The following KIF1B variants were observed in gnomAD, a reference collection of about 807,000 sequenced individuals.
KIF1B encodes kinesin family member 1B, also known as kinesin-like protein KIF1B.
In KIF1B, 76 loss-of-function variants were observed where a neutral mutation model predicts 241.9. The ratio of observed to expected loss-of-function variants is 0.31; its 90% confidence interval spans 0.26 to 0.38. The LOEUF is 0.38. Ranked by LOEUF, KIF1B falls within the 10% of genes least tolerant of loss-of-function variation. The pLI, the probability that KIF1B is intolerant of heterozygous loss-of-function variation, is 1.00. For synonymous variants in KIF1B, 750 were observed against 796.7 expected, an observed-to-expected ratio of 0.94 and a Z score of 0.99; for missense variants, 1,622 against 2,271.4, an observed-to-expected ratio of 0.71 and a Z score of 5.81.
intron 2 of KIF1B, among the ~76,000 whole-genome samples, chr1:10,254,991 C>T (rs1647694615): frequency 6.6e-6 from 1 of 151,816 alleles, no homozygotes; most frequent in Admixed American, 6.6e-5. Flanking sequence ...CTCTGTCACC[C>T]AGGCTGGAGT....
Position 10,348,011 on chromosome 1 carries a change from T to C in KIF1B, c.3864+184T>C, listed in dbSNP as rs186282291. The stretch of plus-strand genomic sequence containing the variant: ...AGATATTTCTTCCTCAGACCTTGGC[T>C]TATATTTATCCTTGCTTTTATATGT... On this transcript the variant is annotated intron_variant, in intron 36 of 48. Coordinates refer to ENST00000676179, the MANE Select transcript of KIF1B (RefSeq NM_001365951.3). Among the ~76,000 whole-genome samples, 389 of 152,298 alleles carry C rather than the reference T, an allele frequency of 2.6e-3. 2 individuals are homozygous for C. Among genetic ancestry groups the C allele is most frequent in the African/African-American group, 8.9e-3 (372 of 41,576 alleles).
chr1:10,292,202 C>T (rs1650035325), intron 17 of KIF1B, 80 bp downstream of exon 17: 1 of 1,006,858 alleles, frequency 9.9e-7, no homozygotes, highest in Non-Finnish European at 1.6e-6. Context: ...TCATGTCTTT[C>T]AGGACCTACT....
rs1366694744 is a variant in KIF1B at position 10,342,115 on chromosome 1, C to T, written c.3579C>T (p.Val1193=). The change falls in exon 33 of 49, where the codon GTC becomes GTT. Residue 1193 remains valine (V), a synonymous_variant. Coordinates refer to ENST00000676179, the MANE Select transcript of KIF1B (RefSeq NM_001365951.3). ...AAACCAAGCCTATTGTATTTGAAGT[C>T]TTTGGGCATTATCAGCAGCACCCAC... is the stretch of plus-strand genomic sequence containing the variant. The part of the protein sequence containing the change: ...YIKTKPIVFE[V]FGHYQQHPLH... 5 of 1,613,838 alleles carry T rather than the reference C, an allele frequency of 3.1e-6. No individual in the cohort carries two copies. The Admixed American group carries it at 6.7e-5, about 22-fold the overall frequency.
chr1:10,363,693 A>C (rs1224150235), intron 41 of KIF1B, among the ~76,000 whole-genome samples: 2 of 152,206 alleles, frequency 1.3e-5, no homozygotes, highest in Admixed American at 6.5e-5. Context: ...ACTCAGTCTC[A>C]AAAAAGAAAA....
chr1:10,365,332 T>A lies in KIF1B; in HGVS notation c.4513-77T>A. On this transcript the variant is annotated intron_variant, in intron 42 of 48. Transcript: ENST00000676179. This position sits in a 1 kb window ranked among gnomAD's most constrained non-coding sequence, Gnocchi z 4.0. Reference sequence around the variant, plus strand: ...TCTTCCTCCCCGCTGCTGCATGTGATCATAGCTTTTCACTTTTCTCTCCTG... The same window carrying A: ...TCTTCCTCCCCGCTGCTGCATGTGAACATAGCTTTTCACTTTTCTCTCCTG... 1 of 1,613,858 alleles carries A rather than the reference T, an allele frequency of 6.2e-7. No homozygotes were observed. The highest frequency in any genetic ancestry group is 8.5e-7 in the Non-Finnish European group (1 of 1,179,822).
At chr1:10,276,854 G>T in intron 12 of KIF1B, among the ~76,000 whole-genome samples, 1 of 152,192 alleles carries the variant, frequency 6.6e-6, no homozygotes, top group East Asian at 1.9e-4. Flanking sequence ...GCCGAGGTGG[G>T]CGGATCACTT....
chr1:10,328,956 A>G (rs1021418630), intron 27 of KIF1B, among the ~76,000 whole-genome samples: 2 of 152,252 alleles, frequency 1.3e-5, no homozygotes, highest in African/African-American at 4.8e-5. Context: ...ACTAAGAAGC[A>G]TTTGTATTTT....
chr1:10,227,068 G>A (rs1465930112), intron 1 of KIF1B, among the ~76,000 whole-genome samples: 2 of 121,942 alleles, frequency 1.6e-5, no homozygotes, highest in Non-Finnish European at 3.2e-5. Flanking sequence ...ATGAAGTCTC[G>A]CTCTCTTACC....
chr1:10,334,780 G>T (rs1217492209), intron 28 of KIF1B, 142 bp downstream of exon 28: 5 of 716,988 alleles, frequency 7.0e-6, no homozygotes, highest in South Asian at 1.5e-5. Flanking sequence ...ATACTTTGGA[G>T]AAAGCCTTTA....
At chr1:10,355,811 T>C (rs1638226130) in intron 38 of KIF1B, among the ~76,000 whole-genome samples, 1 of 152,246 alleles carries the variant, frequency 6.6e-6, no homozygotes, top group East Asian at 1.9e-4. Context: ...GTTCACTTTC[T>C]TCTCTGTTTT....
At position 10,297,170 on chromosome 1, in the gene KIF1B, C is replaced by A. The variant is rs771419523; in HGVS notation, c.2043-4C>A. The A allele has an allele frequency of 1.3e-6, 2 of 1,543,278 alleles. No homozygotes were observed. The highest frequency in any genetic ancestry group is 1.8e-6 in the Non-Finnish European group (2 of 1,135,938). ...TGAATTTTTTTTTTTTTTTTTACTT[C>A]TAGGCTACAGGAAATGGAGATCTTA... On this transcript the variant is annotated splice_region_variant and splice_polypyrimidine_tract_variant and intron_variant, in intron 21 of 48. Coordinates refer to ENST00000676179, the MANE Select transcript of KIF1B (RefSeq NM_001365951.3).
At position 10,210,951 on chromosome 1, in the gene KIF1B, G is replaced by A. The variant is rs1414780310; in HGVS notation, c.-80+73G>A. 6.6e-6 allele frequency: 1 copy of A among 151,754 alleles called. No homozygotes were observed. The highest frequency in any genetic ancestry group is 1.5e-5 in the Non-Finnish European group (1 of 67,914). The allele number at this position is 151,754 out of a possible 1,614,324, so 9.4% of individuals were successfully genotyped here. On this transcript the variant is annotated intron_variant, in intron 1 of 48. Coordinates refer to ENST00000676179, the MANE Select transcript of KIF1B (RefSeq NM_001365951.3). This position sits in a 1 kb window ranked among gnomAD's most constrained non-coding sequence, Gnocchi z 4.1. ...GGGAGGGGGCCGCTTCCGCGGGGAG[G>A]AGCGGCCGGGCCGGGGTCCGGGCGG... is the stretch of plus-strand genomic sequence containing the variant.
chr1:10,259,757 C>T (rs1457120697), intron 4 of KIF1B, among the ~76,000 whole-genome samples: 3 of 151,876 alleles, frequency 2.0e-5, no homozygotes, highest in East Asian at 1.9e-4. Flanking sequence ...ACCTCCGCCT[C>T]CCAAAGTGCA....
At chr1:10,260,662 C>T (rs1286773505) in intron 4 of KIF1B, among the ~76,000 whole-genome samples, 8 of 151,772 alleles carry the variant, frequency 5.3e-5, no homozygotes, top group Non-Finnish European at 7.4e-5. Context: ...GTCAGGAGTT[C>T]GAGACCAGCC....
In KIF1B at chr1:10,323,873, T is replaced by A; in HGVS notation, c.2359-11T>A. 1 of 1,612,442 alleles carries A rather than the reference T, an allele frequency of 6.2e-7. No individual in the cohort carries two copies. The highest frequency in any genetic ancestry group is 8.5e-7 in the Non-Finnish European group (1 of 1,178,428). On this transcript the variant is annotated splice_polypyrimidine_tract_variant and intron_variant, in intron 24 of 48. Transcript: ENST00000676179. Reference sequence around the variant, plus strand: ...AAAACCATTTGTCAATGGTTTATTCTTTCTATTCAGGTGCAGTTTCAGTTT... The same window carrying A: ...AAAACCATTTGTCAATGGTTTATTCATTCTATTCAGGTGCAGTTTCAGTTT...
chr1:10,320,748 C>T (rs1651488720), intron 23 of KIF1B, among the ~76,000 whole-genome samples: 1 of 144,422 alleles, frequency 6.9e-6, no homozygotes, highest in African/African-American at 2.6e-5. Context: ...ATTTTTGAGA[C>T]AGAGTTTTGC....
chr1:10,297,591 C>T (rs1319262559), intron 22 of KIF1B, among the ~76,000 whole-genome samples: 3 of 152,132 alleles, frequency 2.0e-5, no homozygotes, highest in African/African-American at 7.2e-5. Context: ...GATAATTACT[C>T]TGAATATTGA....
intron 5 of KIF1B, among the ~76,000 whole-genome samples, chr1:10,264,317 G>T (rs1432853623): frequency 1.3e-5 from 2 of 152,314 alleles, no homozygotes; most frequent in Middle Eastern, 3.4e-3. Context: ...GTAAGAGAAC[G>T]GTCCTCAGTG....
intron 24 of KIF1B, 147 bp from the exon 25 acceptor site, chr1:10,323,737 G>C (rs964144668): frequency 1.5e-6 from 1 of 665,386 alleles, no homozygotes; most frequent in African/African-American, 1.8e-5. Context: ...ACTGCTAACA[G>C]GTGGCCATAT....
Sources: gnomAD v4.1 joint callset for allele counts (sites outside exome capture counted in the v4.1 genomes callset) on GRCh38, gnomAD v4.1.1 for gene constraint, Gnocchi (gnomAD v3.1) non-coding constraint, MANE v1.5 for transcripts, NCBI Gene and HGNC (gene_info 2026-07-23, HGNC 2026-07-21) for gene names.